Variants in NALCN observed in about 807,000 individuals in gnomAD.
The protein encoded by NALCN is sodium leak channel, non-selective.
NALCN carries 111 observed loss-of-function variants against 225.3 expected under a neutral mutation model. The observed-to-expected ratio is 0.49, with a 90% CI of 0.42 to 0.58. The LOEUF (loss-of-function observed/expected upper bound fraction) is 0.58. NALCN is among the 20% of genes least tolerant of loss of function. The pLI is 0.00. For missense variants in NALCN, 1,378 were observed against 2,202.4 expected (o/e 0.63, Z 7.49); for synonymous variants, 764 against 769.0 (o/e 0.99, Z 0.11).
chr13:101,367,429 T>C (rs2046408294), intron 6 of NALCN, among the ~76,000 whole-genome samples: 1 of 152,110 alleles, frequency 6.6e-6, no homozygotes, highest in South Asian at 2.1e-4. Flanking sequence ...ATTATTATTA[T>C]TACTAATCAA....
intron 10 of NALCN, among the ~76,000 whole-genome samples, chr13:101,263,652 T>A (rs900085315): frequency 2.6e-5 from 4 of 152,238 alleles, no homozygotes; most frequent in African/African-American, 9.6e-5. Context: ...ATAATTAGGT[T>A]GTTTTTTGTC....
At chr13:101,389,134 C>T (rs937815800) in intron 3 of NALCN, among the ~76,000 whole-genome samples, 7 of 152,206 alleles carry the variant, frequency 4.6e-5, no homozygotes, top group African/African-American at 1.2e-4. Flanking sequence ...AGCCTAGCCA[C>T]ATTGTGGAAG....
intron 10 of NALCN, among the ~76,000 whole-genome samples, chr13:101,279,552 C>T (rs2043077759): frequency 6.6e-6 from 1 of 152,068 alleles, no homozygotes; most frequent in African/African-American, 2.4e-5. Context: ...CGCGGTGGCT[C>T]ACGCCTGTAA....
At chr13:101,113,279 G>A (rs1410186333) in intron 18 of NALCN, among the ~76,000 whole-genome samples, 3 of 152,274 alleles carry the variant, frequency 2.0e-5, no homozygotes, top group East Asian at 1.9e-4. Context: ...GAGGTTGGAC[G>A]GTGGATGCAG....
At chr13:101,059,686 T>TA (rs1216626599) in intron 42 of NALCN, 132 bp downstream of exon 42, 13 of 801,864 alleles carry the variant, frequency 1.6e-5, no homozygotes, top group Admixed American at 3.1e-5. Context: ...TTTTTTTTTT[T>TA]AATGAAAATA....
At chr13:101,376,640 A>C in intron 6 of NALCN, 60 bp downstream of exon 6, 8 of 1,535,004 alleles carry the variant, frequency 5.2e-6, no homozygotes, top group Non-Finnish European at 7.0e-6. Flanking sequence ...TTCTTATGAA[A>C]ATTACAGAGA....
intron 7 of NALCN, among the ~76,000 whole-genome samples, chr13:101,317,557 C>T (rs1044321382): frequency 3.3e-5 from 5 of 152,188 alleles, no homozygotes; most frequent in African/African-American, 1.2e-4. Context: ...AGGATGGCCT[C>T]TGTGATCCAC....
chr13:101,315,512 C>T (rs371392812), intron 7 of NALCN, among the ~76,000 whole-genome samples: 8 of 152,148 alleles, frequency 5.3e-5, no homozygotes, highest in African/African-American at 1.9e-4. Flanking sequence ...GCTGACTGCA[C>T]AAGCTTATCT....
chr13:101,363,762 C>T (rs1167794328), intron 6 of NALCN, among the ~76,000 whole-genome samples: 1 of 151,958 alleles, frequency 6.6e-6, no homozygotes, highest in Admixed American at 6.6e-5. Context: ...AACTTCGGCA[C>T]AGCAAAGGAA....
chr13:101,297,644 A>G (rs1285438611), intron 7 of NALCN, among the ~76,000 whole-genome samples: 1 of 152,306 alleles, frequency 6.6e-6, no homozygotes, highest in Middle Eastern at 3.4e-3. Flanking sequence ...AGGAGTCTGC[A>G]GAATTAGTCC....
rs185806623 is a variant in NALCN, at chr13:101,139,559, G to A, written c.2118+3521C>T. Among the ~76,000 whole-genome samples, 211 of 151,788 alleles carry A rather than the reference G, an allele frequency of 1.4e-3. 6 individuals are homozygous for A. The East Asian group carries it at 0.037, about 26-fold the overall frequency. On this transcript the variant is annotated intron_variant, in intron 17 of 43. Coordinates refer to ENST00000251127, the MANE Select transcript of NALCN (RefSeq NM_052867.4). ...TCCTTTTTCTTTCATACCAGTCACT[G>A]AGGAAACACAGCCTCAATTTGCACA...
chr13:101,176,718 T>A (rs1375046706), intron 14 of NALCN, among the ~76,000 whole-genome samples: 1 of 152,192 alleles, frequency 6.6e-6, no homozygotes, highest in African/African-American at 2.4e-5. Context: ...TATACACAGG[T>A]GCTTATTAGA....
chr13:101,132,899 T>A (rs2036586199), intron 17 of NALCN, among the ~76,000 whole-genome samples: 1 of 152,150 alleles, frequency 6.6e-6, no homozygotes, highest in South Asian at 2.1e-4. Flanking sequence ...TAATGCAAAA[T>A]CGAAACTAAC....
intron 15 of NALCN, among the ~76,000 whole-genome samples, chr13:101,160,177 A>C (rs1380840385): frequency 2.0e-5 from 3 of 152,098 alleles, no homozygotes; most frequent in Non-Finnish European, 2.9e-5. Context: ...GATGGTCTCG[A>C]TCTCCTGACC....
At chr13:101,230,632 G>C (rs1360566771) in intron 12 of NALCN, among the ~76,000 whole-genome samples, 2 of 152,138 alleles carry the variant, frequency 1.3e-5, no homozygotes, top group African/African-American at 4.8e-5. Context: ...TAGCCCCTTT[G>C]GACCAGAAAT....
chr13:101,300,434 CTCTT>C, intron 7 of NALCN, among the ~76,000 whole-genome samples: 1 of 126,656 alleles, frequency 7.9e-6, no homozygotes, highest in East Asian at 2.3e-4. Context: ...TTTTTTCTCT[CTCTT>C]TCTTTCTTCC....
intron 7 of NALCN, among the ~76,000 whole-genome samples, chr13:101,304,758 C>CTTTTTTTT (rs769247590): frequency 8.1e-6 from 1 of 122,812 alleles, no homozygotes; most frequent in African/African-American, 3.2e-5. Flanking sequence ...TTTTTCTTTT[C>CTTTTTTTT]TTTTTTTTTT....
chr13:101,176,435 T>A (rs1333206642), intron 14 of NALCN, 61 bp from the exon 15 acceptor site: 2 of 1,199,820 alleles, frequency 1.7e-6, no homozygotes, highest in African/African-American at 3.2e-5. Context: ...AAATATTATA[T>A]GTATAATATA....
intron 7 of NALCN, among the ~76,000 whole-genome samples, chr13:101,306,232 C>T (rs920671772): frequency 6.6e-6 from 1 of 152,206 alleles, no homozygotes; most frequent in Non-Finnish European, 1.5e-5. Flanking sequence ...CATTGCCAGA[C>T]TCAGCCACCT....
Sources: allele counts gnomAD v4.1 joint callset (sites outside exome capture counted in the v4.1 genomes callset), GRCh38; gene constraint gnomAD v4.1.1; transcripts MANE v1.5; gene names NCBI Gene and HGNC (gene_info 2026-07-23, HGNC 2026-07-21).